The following CDH4 variants were observed in gnomAD, a reference collection of about 807,000 sequenced individuals.
The protein encoded by CDH4 is cadherin-4.
CDH4 carries 33 observed loss-of-function variants against 86.0 expected under a neutral mutation model. That is an observed-to-expected ratio of 0.38 (90% confidence interval 0.29 to 0.51). CDH4 has a LOEUF of 0.51. Among genes scored for constraint, CDH4 ranks in the 20% least tolerant of loss-of-function variants. CDH4 has a pLI of 0.86. For missense variants in CDH4, 1,114 were observed against 1,307.4 expected (o/e 0.85, Z 2.28); for synonymous variants, 555 against 549.4 (o/e 1.01, Z -0.14).
At chr20:61,297,257 G>A (rs1484514559) in intron 2 of CDH4, among the ~76,000 whole-genome samples, 1 of 152,112 alleles carries the variant, frequency 6.6e-6, no homozygotes, top group African/African-American at 2.4e-5. Context: ...ACGGTGGCAT[G>A]TGCCTGTAAT....
At chr20:61,683,854 C>T (rs1233676447) in intron 2 of CDH4, among the ~76,000 whole-genome samples, 4 of 152,132 alleles carry the variant, frequency 2.6e-5, no homozygotes, top group Non-Finnish European at 5.9e-5. Context: ...GCCTGCCTGC[C>T]GTGGGGTGAG....
chr20:61,520,580 T>G (rs1443147607), intron 2 of CDH4, among the ~76,000 whole-genome samples: 1 of 152,250 alleles, frequency 6.6e-6, no homozygotes, highest in Non-Finnish European at 1.5e-5. Context: ...GTTGTCAGGC[T>G]GACCAGGCCC....
chr20:61,876,969 C>T (rs144232605), intron 7 of CDH4, among the ~76,000 whole-genome samples: 5 of 152,282 alleles, frequency 3.3e-5, no homozygotes, highest in Non-Finnish European at 5.9e-5. Context: ...CACAAGGCCC[C>T]GGCAGTTAGT....
intron 4 of CDH4, among the ~76,000 whole-genome samples, chr20:61,832,878 C>T (rs1981692657): frequency 6.6e-6 from 1 of 152,204 alleles, no homozygotes. Flanking sequence ...CCTCTTATTT[C>T]TGTGCCCCTG....
intron 2 of CDH4, among the ~76,000 whole-genome samples, chr20:61,388,284 G>C (rs905670590): frequency 1.3e-5 from 2 of 152,118 alleles, no homozygotes; most frequent in Admixed American, 1.3e-4. Flanking sequence ...TGGGGGTAGG[G>C]GGGTGTGGGG....
At chr20:61,539,885 G>A (rs1438384961) in intron 2 of CDH4, among the ~76,000 whole-genome samples, 1 of 152,224 alleles carries the variant, frequency 6.6e-6, no homozygotes, top group Admixed American at 6.5e-5. Flanking sequence ...GGATCTCTGT[G>A]CACACAGGAT....
At position 61,463,794 on chromosome 20, in the gene CDH4, A is replaced by T. The variant is rs202040908; in HGVS notation, c.169+208857A>T. 3.3e-5 allele frequency among the ~76,000 whole-genome samples: 5 copies of T among 152,302 alleles called. No homozygotes were observed. In the East Asian group the frequency reaches 9.7e-4, roughly 29 times the overall value. On this transcript the variant is annotated intron_variant, in intron 2 of 15. Coordinates refer to ENST00000614565, the MANE Select transcript of CDH4 (RefSeq NM_001794.5). ...TCCACTGAAACAAAAGGCGGGAGGGATATTCAGCACTGGGTGAGCTGGCAG... is the reference window on the plus strand; with the variant it reads ...TCCACTGAAACAAAAGGCGGGAGGGTTATTCAGCACTGGGTGAGCTGGCAG...
chr20:61,462,588 G>GAGCGGACCTGGGTGCCGAA (rs11466872), intron 2 of CDH4, among the ~76,000 whole-genome samples: 1 of 151,840 alleles, frequency 6.6e-6, no homozygotes, highest in African/African-American at 2.4e-5. Context: ...CATTGCTCCT[G>GAGCGGACCTGGGTGCCGAA]AGCCTCCCTC....
At chr20:61,422,122 G>A (rs2085180983) in intron 2 of CDH4, among the ~76,000 whole-genome samples, 1 of 152,118 alleles carries the variant, frequency 6.6e-6, no homozygotes, top group Admixed American at 6.5e-5. Context: ...GCATTCCACT[G>A]CATTGTCATT....
intron 2 of CDH4, among the ~76,000 whole-genome samples, chr20:61,462,227 G>A (rs76907958): frequency 0.037 from 5,626 of 152,214 alleles, 368 homozygotes; most frequent in African/African-American, 0.13. Context: ...AATTTTCTGC[G>A]GAAGTTCTGC....
chr20:61,706,321 G>A (rs1035999016), intron 2 of CDH4, among the ~76,000 whole-genome samples: 7 of 152,076 alleles, frequency 4.6e-5, no homozygotes, highest in Non-Finnish European at 8.8e-5. Flanking sequence ...GGCCGGGGGG[G>A]ATGAGAGACC....
intron 2 of CDH4, among the ~76,000 whole-genome samples, chr20:61,285,072 GTTT>G (rs776837492): frequency 1.3e-5 from 2 of 150,562 alleles, no homozygotes; most frequent in Middle Eastern, 3.2e-3. Flanking sequence ...AGCCTTTCCT[GTTT>G]TTTTTTTTTG....
chr20:61,302,458 T>G (rs1171941200), intron 2 of CDH4, among the ~76,000 whole-genome samples: 1 of 151,900 alleles, frequency 6.6e-6, no homozygotes, highest in Non-Finnish European at 1.5e-5. Context: ...TCCAGGATGT[T>G]TCCTGTATGT....
At chr20:61,479,494 C>T (rs2085557651) in intron 2 of CDH4, among the ~76,000 whole-genome samples, 1 of 152,136 alleles carries the variant, frequency 6.6e-6, no homozygotes, top group Non-Finnish European at 1.5e-5. Flanking sequence ...TATAAAGACA[C>T]ATGCACACGT....
At chr20:61,451,059 C>T (rs933313181) in intron 2 of CDH4, among the ~76,000 whole-genome samples, 11 of 151,894 alleles carry the variant, frequency 7.2e-5, no homozygotes, top group Non-Finnish European at 1.2e-4. Context: ...CTCAAGAGAG[C>T]GGAGGGTGTT....
intron 2 of CDH4, among the ~76,000 whole-genome samples, chr20:61,337,412 C>G (rs1165898295): frequency 1.4e-5 from 1 of 71,304 alleles, no homozygotes; most frequent in East Asian, 4.5e-4. Flanking sequence ...GGAGATCACG[C>G]TACTGCTGCT....
rs1438259729 is a variant in CDH4 at position 61,457,881 on chromosome 20, CTGACACTAGTGGT to C, written c.169+202945_169+202957del. 2.3e-3 allele frequency among the ~76,000 whole-genome samples: 335 copies of C among 145,842 alleles called. 1 individual carries two copies. Among genetic ancestry groups the C allele is most frequent in the Middle Eastern group, 8.4e-3 (2 of 238 alleles). ...GGTGGTGGTGATGGTGATGGTATGA[CTGACACTAGTGGT>C]GGTGATGGTCATGGTCATGACGGTG... On this transcript the variant is annotated intron_variant, in intron 2 of 15. Coordinates refer to ENST00000614565, the MANE Select transcript of CDH4 (RefSeq NM_001794.5).
chr20:61,486,872 G>A (rs181007516), intron 2 of CDH4, among the ~76,000 whole-genome samples: 400 of 152,298 alleles, frequency 2.6e-3, no homozygotes, highest in Non-Finnish European at 4.5e-3. Flanking sequence ...CTGGGTGACA[G>A]AAAGAGCCTC....
At chr20:61,770,630 T>C (rs1448153037) in intron 3 of CDH4, among the ~76,000 whole-genome samples, 1 of 152,178 alleles carries the variant, frequency 6.6e-6, no homozygotes, top group Non-Finnish European at 1.5e-5. Flanking sequence ...ACACCTGTAA[T>C]CCCAGCACTT....
Sources: gnomAD v4.1 joint callset for allele counts (sites outside exome capture counted in the v4.1 genomes callset) on GRCh38, gnomAD v4.1.1 for gene constraint, MANE v1.5 for transcripts, NCBI Gene and HGNC (gene_info 2026-07-23, HGNC 2026-07-21) for gene names.